The following ADRA1A variants were observed in gnomAD, a reference collection of about 807,000 sequenced individuals.
ADRA1A encodes the protein adrenoceptor alpha 1A.
ADRA1A carries 31 observed loss-of-function variants against 29.6 expected under a neutral mutation model. The ratio of observed to expected loss-of-function variants is 1.05; its 90% CI spans 0.79 to 1.41. The LOEUF (loss-of-function observed/expected upper bound fraction) is 1.41. Ranked by LOEUF, ADRA1A falls within the 40% of genes most tolerant of loss-of-function variation. The probability of loss-of-function intolerance (pLI) is 0.00; values close to 1 mark genes in which losing one functional copy is unlikely to be tolerated. For synonymous variants in ADRA1A, 311 were observed against 254.3 expected (o/e 1.22, Z -2.12); for missense variants, 619 against 601.1 (o/e 1.03, Z -0.31).
At chr8:26,857,806 T>C (rs1040431958) in intron 2 of ADRA1A, among the ~76,000 whole-genome samples, 1 of 152,364 alleles carries the variant, frequency 6.6e-6, no homozygotes, top group South Asian at 2.1e-4. Flanking sequence ...CCTGGTTATC[T>C]TGGGCATCCG....
In ADRA1A at chr8:26,864,104, A is replaced by G. The variant is rs772571115; in HGVS notation, c.866T>C (p.Phe289Ser). 5 of 1,613,092 alleles carry G rather than the reference A, an allele frequency of 3.1e-6. No homozygotes were observed. The highest frequency in any genetic ancestry group is 2.2e-5 in the East Asian group (1 of 44,858). ...GCFVLCWLPF[F>S]LVMPIGSFFP... ...AGACTTACCAATGGGCATGACTAAGAAAAAAGGCAGCCAGCAGAGGACGAA... is the reference window on the plus strand; with the variant it reads ...AGACTTACCAATGGGCATGACTAAGGAAAAAGGCAGCCAGCAGAGGACGAA... Residue 289 changes from phenylalanine (F) to serine (S), a missense_variant, in exon 2 of 3, where the codon TTC becomes TCC. Phe to Ser is a radical substitution (Grantham distance 155). Transcript: ENST00000380573. The surrounding 1 kb of genome is among the most constrained non-coding windows in gnomAD (Gnocchi z 8.1).
intron 2 of ADRA1A, among the ~76,000 whole-genome samples, chr8:26,842,367 A>C (rs996510897): frequency 6.6e-6 from 1 of 152,200 alleles, no homozygotes; most frequent in Non-Finnish European, 1.5e-5. Context: ...GATCAATACT[A>C]AAGGTTTTCT....
In ADRA1A at chr8:26,864,937, G is replaced by T; in HGVS notation, c.33C>A (p.Ser11Arg). MVFLSGNASD[S>R]SNCTQPPAPV... ...GTGCCGGCGGTTGGGTGCAGTTGGAGCTGTCGGAAGCATTTCCCGAGAGAA... is the reference window on the plus strand; with the variant it reads ...GTGCCGGCGGTTGGGTGCAGTTGGATCTGTCGGAAGCATTTCCCGAGAGAA... Residue 11 changes from serine to arginine, a missense_variant, in exon 2 of 3, where the codon AGC becomes AGA. By Grantham distance (110) the Ser-to-Arg change is moderately radical. Coordinates refer to ENST00000380573, the MANE Select transcript of ADRA1A (RefSeq NM_000680.4). This position sits in a 1 kb window ranked among gnomAD's most constrained non-coding sequence, Gnocchi z 8.1. 1.2e-6 allele frequency: 2 copies of T among 1,611,166 alleles called. No individual in the cohort carries two copies. The highest frequency in any genetic ancestry group is 8.5e-7 in the Non-Finnish European group (1 of 1,179,408).
intron 2 of ADRA1A, among the ~76,000 whole-genome samples, chr8:26,751,063 C>G (rs1415142996): frequency 1.8e-5 from 2 of 111,700 alleles, no homozygotes; most frequent in Admixed American, 9.7e-5. Context: ...GAGCAAAACT[C>G]TGTCTCAAAA....
At chr8:26,762,094 A>G (rs74826213), downstream of ADRA1A, among the ~76,000 whole-genome samples, 1,995 of 152,280 alleles carry the variant, frequency 0.013, 19 homozygotes, top group Middle Eastern at 0.017. The surrounding 1 kb of genome is among the most constrained non-coding windows in gnomAD (Gnocchi z 4.0). Flanking sequence ...TAAAGGAAAG[A>G]GACAGAAGAT....
intron 2 of ADRA1A, among the ~76,000 whole-genome samples, chr8:26,847,125 C>T (rs1264446969): frequency 2.0e-5 from 3 of 151,886 alleles, no homozygotes; most frequent in South Asian, 4.2e-4. Flanking sequence ...TGCTAGATGA[C>T]GAGTTAGTGG....
intron 2 of ADRA1A, among the ~76,000 whole-genome samples, chr8:26,812,859 A>G (rs1967144): frequency 0.018 from 2,765 of 151,636 alleles, 74 homozygotes; most frequent in African/African-American, 0.059. Context: ...TAGAGACTGG[A>G]GTTTCACCGT....
At chr8:26,757,550 A>C (rs1383985492) in intron 2 of ADRA1A, among the ~76,000 whole-genome samples, 2 of 149,234 alleles carry the variant, frequency 1.3e-5, no homozygotes, top group South Asian at 2.1e-4. Context: ...GGTTTGTAAC[A>C]CAAGCAGACA....
At chr8:26,837,457 C>T (rs1001173765) in intron 2 of ADRA1A, among the ~76,000 whole-genome samples, 2 of 152,026 alleles carry the variant, frequency 1.3e-5, no homozygotes, top group African/African-American at 4.8e-5. Flanking sequence ...TTGAGACCAG[C>T]CCAGCCAACA....
chr8:26,813,049 G>A (rs902004129), intron 2 of ADRA1A, among the ~76,000 whole-genome samples: 3 of 151,834 alleles, frequency 2.0e-5, no homozygotes, highest in East Asian at 1.9e-4. Context: ...TTGCGCTATC[G>A]TCTAACTACA....
intron 2 of ADRA1A, among the ~76,000 whole-genome samples, chr8:26,780,764 C>G (rs1806916276): frequency 6.6e-6 from 1 of 152,176 alleles, no homozygotes; most frequent in African/African-American, 2.4e-5. Context: ...GCTCACATTA[C>G]CTGTCAGATC....
intron 2 of ADRA1A, among the ~76,000 whole-genome samples, chr8:26,838,531 C>T (rs562247895): frequency 1.3e-5 from 2 of 152,126 alleles, no homozygotes; most frequent in Non-Finnish European, 2.9e-5. Flanking sequence ...CTGAGGATTC[C>T]AAGCTGATAA....
At chr8:26,840,955 G>A (rs1404126203) in intron 2 of ADRA1A, among the ~76,000 whole-genome samples, 4 of 152,166 alleles carry the variant, frequency 2.6e-5, no homozygotes, top group African/African-American at 9.7e-5. Flanking sequence ...AGCCAGTCAT[G>A]ATAGCAGGAA....
At chr8:26,830,360 T>A (rs1026831440) in intron 2 of ADRA1A, among the ~76,000 whole-genome samples, 2 of 152,198 alleles carry the variant, frequency 1.3e-5, no homozygotes, top group Non-Finnish European at 2.9e-5. Flanking sequence ...CTCCCTAAGA[T>A]CTTGCAGTCT....
chr8:26,825,355 C>G lies in ADRA1A; in HGVS notation c.883+38732G>C, dbSNP rs1810479445. Among the ~76,000 whole-genome samples the G allele has an allele frequency of 6.7e-6, 1 of 149,100 alleles. No individual in the cohort carries two copies. The highest frequency in any genetic ancestry group is 2.5e-5 in the African/African-American group (1 of 40,720). On this transcript the variant is annotated intron_variant, in intron 2 of 2. Coordinates refer to ENST00000380573, the MANE Select transcript of ADRA1A (RefSeq NM_000680.4). The surrounding 1 kb of genome is among the most constrained non-coding windows in gnomAD (Gnocchi z 5.7). ...TTTAACCATTCTTCCATGAAACACT[C>G]AAGTGGGAGAGTTTGGTTGTTTGAC...
At chr8:26,794,226 C>T (rs1018753575) in intron 2 of ADRA1A, among the ~76,000 whole-genome samples, 4 of 152,040 alleles carry the variant, frequency 2.6e-5, no homozygotes, top group African/African-American at 7.2e-5. Flanking sequence ...CCTGAGGTGG[C>T]TCTTTTTGTA....
chr8:26,758,664 C>T (rs1444375218), intron 2 of ADRA1A, among the ~76,000 whole-genome samples: 5 of 152,182 alleles, frequency 3.3e-5, no homozygotes, highest in South Asian at 4.1e-4. Flanking sequence ...AGTCCATCAT[C>T]GGTCTTCTCT....
At chr8:26,748,236 T>G (rs1804774580) in exon 3 of ADRA1A, 1 of 152,482 alleles carries the variant, frequency 6.6e-6, no homozygotes, top group Non-Finnish European at 1.5e-5. Flanking sequence ...TAAACCGTGC[T>G]CCATGGTGTA....
intron 2 of ADRA1A, among the ~76,000 whole-genome samples, chr8:26,832,894 C>A (rs1275201581): frequency 6.6e-6 from 1 of 152,158 alleles, no homozygotes; most frequent in Non-Finnish European, 1.5e-5. Flanking sequence ...TGGATGTTGG[C>A]TGCCTGCAGG....
Sources: allele counts gnomAD v4.1 joint callset (sites outside exome capture counted in the v4.1 genomes callset), GRCh38; gene constraint gnomAD v4.1.1; non-coding constraint Gnocchi (gnomAD v3.1); transcripts MANE v1.5; gene names NCBI Gene and HGNC (gene_info 2026-07-23, HGNC 2026-07-21).